Variants in SHISA9 observed in about 807,000 individuals in gnomAD.
SHISA9 encodes protein shisa-9.
In SHISA9, 13 loss-of-function variants were observed where a neutral mutation model predicts 38.0. The observed-to-expected ratio is 0.34, with a 90% CI of 0.22 to 0.54. SHISA9 has a LOEUF of 0.54. SHISA9 is among the 20% of genes least tolerant of loss of function. SHISA9 has a pLI of 0.91. For missense variants in SHISA9, 538 were observed against 575.8 expected (o/e 0.93, Z 0.67); for synonymous variants, 275 against 242.0 (o/e 1.14, Z -1.27).
the SHISA9 span, among the ~76,000 whole-genome samples, chr16:13,456,855 C>A: frequency 1.3e-5 from 2 of 152,320 alleles, no homozygotes; most frequent in Admixed American, 1.3e-4. Context: ...TGCTTATCAT[C>A]ACATGTTGAT....
the SHISA9 span, among the ~76,000 whole-genome samples, chr16:13,300,024 A>G: frequency 6.6e-6 from 1 of 152,086 alleles, no homozygotes; most frequent in Non-Finnish European, 1.5e-5. Flanking sequence ...TTTTACTGCC[A>G]CTTCCGTTCA....
At chr16:12,965,328 C>A (rs189265192) in intron 2 of SHISA9, among the ~76,000 whole-genome samples, 340 of 152,292 alleles carry the variant, frequency 2.2e-3, no homozygotes, top group African/African-American at 7.6e-3. Flanking sequence ...AATTGTTCCA[C>A]TATCACCACT....
chr16:13,416,791 G>GGGAAGGAA, the SHISA9 span, among the ~76,000 whole-genome samples: 160 of 73,014 alleles, frequency 2.2e-3, no homozygotes, highest in African/African-American at 7.1e-3. Context: ...AAGGAAGGAA[G>GGGAAGGAA]GGAAGGAAGG....
chr16:13,158,504 C>T (rs774363977), intron 2 of SHISA9, among the ~76,000 whole-genome samples: 3 of 152,214 alleles, frequency 2.0e-5, no homozygotes, highest in African/African-American at 2.4e-5. Flanking sequence ...GCCCACAGTG[C>T]GCACTGGATA....
At chr16:13,283,772 C>A in the SHISA9 span, among the ~76,000 whole-genome samples, 47 of 152,110 alleles carry the variant, frequency 3.1e-4, no homozygotes, top group South Asian at 9.4e-3. Flanking sequence ...TGTGTCTTTG[C>A]TGGATTTCAG....
At chr16:13,114,278 A>C (rs983316169) in intron 2 of SHISA9, among the ~76,000 whole-genome samples, 1 of 151,930 alleles carries the variant, frequency 6.6e-6, no homozygotes, top group African/African-American at 2.4e-5. Flanking sequence ...CATCCTGGCT[A>C]ACATGGTGAA....
At chr16:13,462,534 G>A in the SHISA9 span, among the ~76,000 whole-genome samples, 1 of 152,038 alleles carries the variant, frequency 6.6e-6, no homozygotes, top group African/African-American at 2.4e-5. Flanking sequence ...AGGCAAAACT[G>A]CAATGTAGGC....
intron 2 of SHISA9, among the ~76,000 whole-genome samples, chr16:13,144,394 A>G (rs898594898): frequency 1.3e-5 from 2 of 151,836 alleles, no homozygotes; most frequent in Non-Finnish European, 2.9e-5. Context: ...TTCATGATCT[A>G]CCTGCCTCGG....
chr16:13,353,915 G>A, the SHISA9 span, among the ~76,000 whole-genome samples: 1 of 152,138 alleles, frequency 6.6e-6, no homozygotes, highest in African/African-American at 2.4e-5. Context: ...TTATGAGACT[G>A]TATTGAGATG....
chr16:13,129,816 C>T (rs191522241), intron 2 of SHISA9, among the ~76,000 whole-genome samples: 183 of 152,246 alleles, frequency 1.2e-3, no homozygotes, highest in African/African-American at 4.0e-3. Flanking sequence ...TTTACCATCT[C>T]TTACCCCATG....
chr16:13,180,697 CTAAA>C (rs1020160157), intron 2 of SHISA9, among the ~76,000 whole-genome samples: 7 of 151,984 alleles, frequency 4.6e-5, no homozygotes, highest in African/African-American at 1.7e-4. Context: ...GACCCTGTCT[CTAAA>C]TAAATAAATA....
intron 2 of SHISA9, among the ~76,000 whole-genome samples, chr16:13,192,207 A>T (rs746688879): frequency 3.9e-5 from 6 of 152,090 alleles, no homozygotes; most frequent in South Asian, 2.1e-4. Flanking sequence ...GAAATCACAG[A>T]TACTAGGGAC....
intron 2 of SHISA9, among the ~76,000 whole-genome samples, chr16:13,198,599 C>A (rs1046864307): frequency 1.3e-5 from 2 of 152,068 alleles, no homozygotes; most frequent in Non-Finnish European, 2.9e-5. Flanking sequence ...TGTTTCTCCT[C>A]CCTAGCTGAA....
chr16:12,997,245 C>G (rs1331406079), intron 2 of SHISA9, among the ~76,000 whole-genome samples: 1 of 151,874 alleles, frequency 6.6e-6, no homozygotes, highest in African/African-American at 2.4e-5. Context: ...CCCTTTGTGC[C>G]TGGCTTCTTT....
At chr16:13,465,754 C>G in the SHISA9 span, among the ~76,000 whole-genome samples, 4 of 152,354 alleles carry the variant, frequency 2.6e-5, no homozygotes, top group South Asian at 2.1e-4. Context: ...TCTCTCCCCC[C>G]TCTACCTCTC....
intron 2 of SHISA9, among the ~76,000 whole-genome samples, chr16:13,039,098 G>A (rs1036954323): frequency 3.3e-5 from 5 of 151,966 alleles, no homozygotes; most frequent in Non-Finnish European, 7.4e-5. Flanking sequence ...TAATAGAGAC[G>A]GGGTTTCACC....
chr16:13,357,564 C>A, the SHISA9 span, among the ~76,000 whole-genome samples: 2 of 152,180 alleles, frequency 1.3e-5, no homozygotes, highest in African/African-American at 4.8e-5. Flanking sequence ...ATCCGAGTCA[C>A]AGCACCAAAT....
chr16:13,237,530 G>A lies in SHISA9; in HGVS notation c.*2121G>A, dbSNP rs1224480573. ...ATACAAACATTAGCTGGGCATGGTG[G>A]TGGGTGCCTGTAATCCCAACTACTC... On this transcript the variant is annotated 3_prime_UTR_variant, in exon 5 of 5. Coordinates refer to ENST00000558583, the MANE Select transcript of SHISA9 (RefSeq NM_001145204.3). The A allele has an allele frequency of 6.6e-6, 1 of 151,900 alleles. No homozygotes were observed. The highest frequency in any genetic ancestry group is 1.5e-5 in the Non-Finnish European group (1 of 68,040). 9.4% of individuals were successfully genotyped at this position (151,900 alleles called of 1,614,324 possible).
chr16:13,166,573 A>G (rs2050637932), intron 2 of SHISA9, among the ~76,000 whole-genome samples: 1 of 152,040 alleles, frequency 6.6e-6, no homozygotes, highest in Admixed American at 6.6e-5. Flanking sequence ...ACCTGACACT[A>G]TACATTTATC....
Sources: gnomAD v4.1 joint callset for allele counts (sites outside exome capture counted in the v4.1 genomes callset) on GRCh38, gnomAD v4.1.1 for gene constraint, MANE v1.5 for transcripts, NCBI Gene and HGNC (gene_info 2026-07-23, HGNC 2026-07-21) for gene names.